DCC: variants seen among roughly 807,000 people sequenced by gnomAD.
The protein encoded by DCC is DCC netrin 1 receptor, also known as netrin receptor DCC.
DCC carries 58 observed loss-of-function variants against 172.5 expected under a neutral mutation model. The ratio of observed to expected loss-of-function variants is 0.34; its 90% CI spans 0.27 to 0.42. The LOEUF (loss-of-function observed/expected upper bound fraction) is 0.42, where lower values mean the gene tolerates loss of function less well. DCC is among the 10% of genes least tolerant of loss of function. DCC has a pLI of 1.00. For synonymous variants in DCC, 709 were observed against 644.5 expected (o/e 1.10, Z -1.52); for missense variants, 1,740 against 1,791.0 (o/e 0.97, Z 0.51).
chr18:53,156,940 A>G (rs1304763163), intron 7 of DCC, among the ~76,000 whole-genome samples: 1 of 152,198 alleles, frequency 6.6e-6, no homozygotes, highest in Non-Finnish European at 1.5e-5. Context: ...TTCTATCATC[A>G]GTTAAAGTCA....
intron 7 of DCC, among the ~76,000 whole-genome samples, chr18:53,110,378 G>A (rs1342885544): frequency 6.6e-6 from 1 of 151,604 alleles, no homozygotes; most frequent in Non-Finnish European, 1.5e-5. Context: ...GTAGATTGGA[G>A]GTTAAGCAAA....
intron 12 of DCC, among the ~76,000 whole-genome samples, chr18:53,256,837 C>A (rs1465401811): frequency 6.6e-6 from 1 of 152,130 alleles, no homozygotes; most frequent in African/African-American, 2.4e-5. Context: ...ATTCTTCCTA[C>A]CCATGAGCAT....
At chr18:52,918,952 T>A (rs1160248594) in intron 3 of DCC, among the ~76,000 whole-genome samples, 1 of 152,174 alleles carries the variant, frequency 6.6e-6, no homozygotes, top group East Asian at 1.9e-4. Context: ...AGTAATGATT[T>A]ATGATTTCTT....
At chr18:52,504,346 G>C (rs2031146012) in intron 1 of DCC, among the ~76,000 whole-genome samples, 1 of 152,148 alleles carries the variant, frequency 6.6e-6, no homozygotes. Flanking sequence ...TAAAAGGATG[G>C]GGATGACAGG....
intron 1 of DCC, among the ~76,000 whole-genome samples, chr18:52,698,902 C>A (rs1363281410): frequency 6.6e-6 from 1 of 151,842 alleles, no homozygotes; most frequent in Non-Finnish European, 1.5e-5. Flanking sequence ...GGCCACCATG[C>A]CTGGCCAAGA....
intron 5 of DCC, among the ~76,000 whole-genome samples, chr18:52,950,757 T>G (rs2145546587): frequency 6.6e-6 from 1 of 151,378 alleles, no homozygotes; most frequent in South Asian, 2.1e-4. Flanking sequence ...ACCCCGTCTC[T>G]ACTAAAAATA....
intron 9 of DCC, among the ~76,000 whole-genome samples, chr18:53,183,234 T>C (rs754423024): frequency 6.6e-6 from 1 of 152,146 alleles, no homozygotes; most frequent in Non-Finnish European, 1.5e-5. Context: ...ATACATTTTG[T>C]AGTAATCATT....
At chr18:53,260,503 G>A (rs1018423324) in intron 12 of DCC, among the ~76,000 whole-genome samples, 2 of 152,124 alleles carry the variant, frequency 1.3e-5, no homozygotes, top group African/African-American at 2.4e-5. Flanking sequence ...CAGCAGGAGA[G>A]GCTGCAAAAT....
intron 1 of DCC, among the ~76,000 whole-genome samples, chr18:52,694,238 A>T (rs551832949): frequency 2.0e-5 from 3 of 152,222 alleles, no homozygotes; most frequent in South Asian, 4.1e-4. Context: ...CCAAACTGTC[A>T]AGGTGGTGAA....
chr18:53,254,312 G>A (rs1006175389), intron 12 of DCC, among the ~76,000 whole-genome samples: 16 of 151,944 alleles, frequency 1.1e-4, no homozygotes, highest in African/African-American at 1.9e-4. Flanking sequence ...TTTCAGATTC[G>A]CCTATTACTA....
chr18:52,695,161 T>C (rs1222094977), intron 1 of DCC, among the ~76,000 whole-genome samples: 1 of 152,232 alleles, frequency 6.6e-6, no homozygotes, highest in Non-Finnish European at 1.5e-5. Context: ...AGCATCATTC[T>C]GACACTGACA....
chr18:53,283,965 T>C (rs866066100), intron 12 of DCC, among the ~76,000 whole-genome samples: 12 of 152,182 alleles, frequency 7.9e-5, no homozygotes, highest in Admixed American at 6.5e-4. Context: ...TGATGAAAAG[T>C]ACATAGGCTA....
At chr18:52,480,266 A>G (rs2029903093) in intron 1 of DCC, among the ~76,000 whole-genome samples, 1 of 152,224 alleles carries the variant, frequency 6.6e-6, no homozygotes, top group Non-Finnish European at 1.5e-5. Context: ...GGATAGATCT[A>G]CATACCTTGG....
At chr18:53,095,976 G>A (rs2144199015) in intron 7 of DCC, among the ~76,000 whole-genome samples, 1 of 152,006 alleles carries the variant, frequency 6.6e-6, no homozygotes, top group African/African-American at 2.4e-5. Context: ...CAGGCACAGT[G>A]GCTGAAGGCT....
intron 12 of DCC, among the ~76,000 whole-genome samples, chr18:53,263,265 C>T (rs747216459): frequency 1.3e-5 from 2 of 152,160 alleles, no homozygotes; most frequent in African/African-American, 2.4e-5. Context: ...GATTCTCCTG[C>T]CTCAGCCTCC....
chr18:53,500,863 T>G (rs1278322752), intron 27 of DCC, among the ~76,000 whole-genome samples: 1 of 152,062 alleles, frequency 6.6e-6, no homozygotes, highest in Non-Finnish European at 1.5e-5. Context: ...AAAAGGTCTG[T>G]ATTGCCCAAG....
chr18:53,287,650 T>C (rs908579266), intron 12 of DCC, among the ~76,000 whole-genome samples: 3 of 152,188 alleles, frequency 2.0e-5, no homozygotes, highest in African/African-American at 7.2e-5. Context: ...ATTCCATTTT[T>C]TTCACATCCT....
chr18:52,855,598 T>C (rs577571347), intron 2 of DCC, among the ~76,000 whole-genome samples: 2 of 152,276 alleles, frequency 1.3e-5, no homozygotes, highest in East Asian at 3.9e-4. Flanking sequence ...TGATCCACTC[T>C]AGCTTCAGTT....
At chr18:52,990,266 C>T (rs112903063) in intron 5 of DCC, among the ~76,000 whole-genome samples, 19,678 of 151,880 alleles carry the variant, frequency 0.13, 1,532 homozygotes, top group East Asian at 0.31. Flanking sequence ...AGCGGGCAGG[C>T]GCAGTGGCTC....
Sources: gnomAD v4.1 joint callset for allele counts (sites outside exome capture counted in the v4.1 genomes callset) on GRCh38, gnomAD v4.1.1 for gene constraint, MANE v1.5 for transcripts, NCBI Gene and HGNC (gene_info 2026-07-23, HGNC 2026-07-21) for gene names.